HIBCH: variants seen among roughly 807,000 people sequenced by gnomAD.
HIBCH encodes 3-hydroxyisobutyryl-CoA hydrolase, also known as 3-hydroxyisobutyryl-CoA hydrolase, mitochondrial.
HIBCH carries 50 observed loss-of-function variants against 58.2 expected under a neutral mutation model. The ratio of observed to expected loss-of-function variants is 0.86; its 90% CI spans 0.68 to 1.09. The LOEUF (loss-of-function observed/expected upper bound fraction) is 1.09. Among genes scored for constraint, HIBCH ranks in the 50% least tolerant of loss-of-function variants. The pLI is 0.00. For missense variants in HIBCH, 450 were observed against 449.7 expected (o/e 1.00, Z -0.01); for synonymous variants, 151 against 146.9 (o/e 1.03, Z -0.20).
At chr2:190,221,759 C>CT (rs1384050977) in intron 11 of HIBCH, among the ~76,000 whole-genome samples, 2 of 152,160 alleles carry the variant, frequency 1.3e-5, no homozygotes, top group African/African-American at 4.8e-5. Flanking sequence ...ACGACGGAGA[C>CT]TACGGTTGGA....
At chr2:190,303,179 A>G (rs1688313244) in intron 2 of HIBCH, among the ~76,000 whole-genome samples, 1 of 152,220 alleles carries the variant, frequency 6.6e-6, no homozygotes, top group South Asian at 2.1e-4. Flanking sequence ...AATTAGAGAT[A>G]TGCATGAATA....
At chr2:190,317,262 T>TA (rs1158636993) in intron 1 of HIBCH, among the ~76,000 whole-genome samples, 1 of 152,200 alleles carries the variant, frequency 6.6e-6, no homozygotes, top group Non-Finnish European at 1.5e-5. Flanking sequence ...CTGGCTCTCA[T>TA]AACTGTACTT....
intron 3 of HIBCH, among the ~76,000 whole-genome samples, chr2:190,296,418 G>C (rs144004295): frequency 1.3e-5 from 1 of 78,708 alleles, no homozygotes; most frequent in Non-Finnish European, 2.9e-5. Context: ...AGACTCCTCC[G>C]TCTCAAAAAA....
intron 8 of HIBCH, chr2:190,250,387 C>G: frequency 2.1e-6 from 1 of 470,166 alleles, no homozygotes; most frequent in Non-Finnish European, 4.4e-6. Context: ...TACTTTACCT[C>G]TGCCAGATGA....
intron 11 of HIBCH, chr2:190,213,792 GTGACGTCCGGGATGACTGTGACCC>G (rs1690568957): frequency 6.6e-6 from 1 of 152,392 alleles, no homozygotes; most frequent in Non-Finnish European, 1.5e-5. Flanking sequence ...CACTCAACAG[GTGACGTCCGGGATGACTGTGACCC>G]TATAGGACTC....
chr2:190,273,728 C>T (rs1051537350), intron 6 of HIBCH, among the ~76,000 whole-genome samples: 3 of 151,692 alleles, frequency 2.0e-5, no homozygotes, highest in African/African-American at 4.8e-5. Flanking sequence ...ATTTAAATTA[C>T]ATAGGTGGGT....
At chr2:190,303,441 A>C (rs1232316876) in intron 2 of HIBCH, among the ~76,000 whole-genome samples, 1 of 174 alleles carries the variant, frequency 5.7e-3, no homozygotes, top group Non-Finnish European at 0.022. Context: ...GAAATGTTCA[A>C]AAAAAAAAAA....
chr2:190,193,695 A>G (rs1218447346), intron 1 of HIBCH, among the ~76,000 whole-genome samples: 1 of 152,142 alleles, frequency 6.6e-6, no homozygotes, highest in Non-Finnish European at 1.5e-5. Context: ...CCCATTACAC[A>G]TCTTAATATG....
At chr2:190,267,159 G>A (rs979888078) in intron 6 of HIBCH, among the ~76,000 whole-genome samples, 1 of 152,136 alleles carries the variant, frequency 6.6e-6, no homozygotes, top group African/African-American at 2.4e-5. Context: ...GTGATGGGGA[G>A]AGTGAGGTGA....
downstream of HIBCH, chr2:190,200,935 G>T (rs542090016): frequency 1.6e-3 from 267 of 167,046 alleles, 2 homozygotes; most frequent in Middle Eastern, 0.017. Context: ...CTGCAAGGTA[G>T]AAAGTTTCAG....
downstream of HIBCH, chr2:190,201,965 T>C (rs948358497): frequency 3.0e-5 from 5 of 167,022 alleles, no homozygotes; most frequent in African/African-American, 9.7e-5. Context: ...ATCTGCTGCT[T>C]AAAATGTACA....
chr2:190,264,496 T>C (rs1011559391), intron 6 of HIBCH, among the ~76,000 whole-genome samples: 2 of 152,332 alleles, frequency 1.3e-5, no homozygotes, highest in South Asian at 4.1e-4. Flanking sequence ...TATCTTGACC[T>C]CTAACAAAGG....
At chr2:190,310,871 T>G (rs1688538579) in intron 1 of HIBCH, 75 bp from the exon 2 acceptor site, 1 of 1,055,262 alleles carries the variant, frequency 9.5e-7, no homozygotes, top group African/African-American at 1.6e-5. Context: ...GTATATCACC[T>G]TTTGTTTCAG....
intron 11 of HIBCH, among the ~76,000 whole-genome samples, chr2:190,220,775 T>C (rs1447647002): frequency 1.3e-5 from 2 of 151,918 alleles, no homozygotes; most frequent in Non-Finnish European, 2.9e-5. Context: ...TTACCTTAGG[T>C]GAAAACCTGG....
In HIBCH at chr2:190,210,793, C is replaced by G. The variant is rs1690498004; in HGVS notation, c.1012-1880G>C. Among the ~76,000 whole-genome samples, 1 of 152,158 alleles carries G rather than the reference C, an allele frequency of 6.6e-6. No individual in the cohort carries two copies. The highest frequency in any genetic ancestry group is 2.1e-4 in the South Asian group (1 of 4,820). ...GCTTTGTTCTTGCAGTTCCCACTGC[C>G]TGGGATGCTCTTCCTCTAGATAATG... On this transcript the variant is annotated intron_variant, in intron 12 of 13. Coordinates refer to ENST00000359678, the MANE Select transcript of HIBCH (RefSeq NM_014362.4). The surrounding 1 kb of genome is among the most constrained non-coding windows in gnomAD (Gnocchi z 5.5).
At chr2:190,253,156 C>A (rs1354666512) in intron 7 of HIBCH, among the ~76,000 whole-genome samples, 1 of 151,866 alleles carries the variant, frequency 6.6e-6, no homozygotes, top group Non-Finnish European at 1.5e-5. Flanking sequence ...TGCACTGCAG[C>A]CTGGGCAACA....
chr2:190,193,778 G>C (rs978192760), intron 1 of HIBCH, among the ~76,000 whole-genome samples: 6 of 152,052 alleles, frequency 3.9e-5, no homozygotes, highest in Non-Finnish European at 5.9e-5. Flanking sequence ...TCATTCTGTT[G>C]TCTCTATCGT....
At chr2:190,295,803 T>A (rs148295623) in intron 3 of HIBCH, among the ~76,000 whole-genome samples, 13 of 152,308 alleles carry the variant, frequency 8.5e-5, no homozygotes, top group Non-Finnish European at 1.8e-4. Flanking sequence ...AACAGAAACA[T>A]AAGAATGGAA....
Position 190,217,461 on chromosome 2 carries a change from C to T in HIBCH, c.892-4386G>A, listed in dbSNP as rs368534538. Among the ~76,000 whole-genome samples, 9 of 152,144 alleles carry T rather than the reference C, an allele frequency of 5.9e-5. No homozygotes were observed. The South Asian group carries it at 1.2e-3, about 21-fold the overall frequency. On this transcript the variant is annotated intron_variant, in intron 11 of 13. Coordinates refer to ENST00000359678, the MANE Select transcript of HIBCH (RefSeq NM_014362.4). The surrounding 1 kb of genome is among the most constrained non-coding windows in gnomAD (Gnocchi z 4.6). ...ATCACACACTGCACTCCAGCCTGGG[C>T]GACAGAACGAGATTCTGTCTTAAAA... is the stretch of plus-strand genomic sequence containing the variant.
Sources: gnomAD v4.1 joint callset for allele counts (sites outside exome capture counted in the v4.1 genomes callset) on GRCh38, gnomAD v4.1.1 for gene constraint, Gnocchi (gnomAD v3.1) non-coding constraint, MANE v1.5 for transcripts, NCBI Gene and HGNC (gene_info 2026-07-23, HGNC 2026-07-21) for gene names.